The following GMCL1 variants were observed in gnomAD, a reference collection of about 807,000 sequenced individuals.
The protein encoded by GMCL1 is germ cell-less 1, spermatogenesis associated, also known as germ cell-less protein-like 1.
Under a neutral mutation model 75.5 loss-of-function variants are expected in GMCL1, and 54 were observed. The ratio of observed to expected loss-of-function variants is 0.71; its 90% CI spans 0.57 to 0.90. The LOEUF is 0.90. Among genes scored for constraint, GMCL1 ranks in the 40% least tolerant of loss-of-function variants. The pLI is 0.00. For missense variants in GMCL1, 537 were observed against 622.7 expected, an observed-to-expected ratio of 0.86 and a Z score of 1.47; for synonymous variants, 210 against 209.6, an observed-to-expected ratio of 1.00 and a Z score of -0.02.
Position 69,841,717 on chromosome 2 carries a change from A to AG in GMCL1, c.579+681dup, listed in dbSNP as rs1674993139. On this transcript the variant is annotated intron_variant, in intron 4 of 13. Transcript: ENST00000282570. ...GTAGCATTTAGTGAATGGATAAAGA[A>AG]GGGAGTGGTCAGTTCATCCTGGTGG... Among the ~76,000 whole-genome samples, 4 of 152,238 alleles carry AG rather than the reference A, an allele frequency of 2.6e-5. 1 individual carries two copies. The highest frequency in any genetic ancestry group is 9.6e-5 in the African/African-American group (4 of 41,464).
chr2:69,878,680 G>A (rs1015436), intron 13 of GMCL1, among the ~76,000 whole-genome samples: 10,332 of 152,118 alleles, frequency 0.068, 928 homozygotes, highest in Admixed American at 0.22. Context: ...AACCCCCTGT[G>A]TATTATCTCT....
chr2:69,862,548 T>G (rs1267549477), intron 10 of GMCL1, among the ~76,000 whole-genome samples: 1 of 151,878 alleles, frequency 6.6e-6, no homozygotes, highest in Non-Finnish European at 1.5e-5. Flanking sequence ...TCACCTGAGG[T>G]CAGGAGTTCG....
At position 69,844,211 on chromosome 2, in the gene GMCL1, A is replaced by G. The variant is rs548449166; in HGVS notation, c.758+15A>G. 1.6e-5 allele frequency: 23 copies of G among 1,416,978 alleles called. No homozygotes were observed. The East Asian group carries it at 5.2e-4, about 32-fold the overall frequency. 87.8% of individuals were successfully genotyped at this position (1,416,978 alleles called of 1,614,324 possible). On this transcript the variant is annotated intron_variant, in intron 6 of 13. Transcript: ENST00000282570. Reference sequence around the variant, plus strand: ...AAAGAACTCAGGTATTTGAATTTCAAGTAACTTCATAATTAGTCATCCTAA... The same window carrying G: ...AAAGAACTCAGGTATTTGAATTTCAGGTAACTTCATAATTAGTCATCCTAA...
intron 13 of GMCL1, among the ~76,000 whole-genome samples, chr2:69,875,277 C>T (rs923480805): frequency 6.6e-6 from 1 of 152,162 alleles, no homozygotes; most frequent in African/African-American, 2.4e-5. Flanking sequence ...CCTTATTGTA[C>T]ATGAAATACT....
chr2:69,873,590 CTAAA>C (rs1394666555), intron 13 of GMCL1: 1 of 153,598 alleles, frequency 6.5e-6, no homozygotes, highest in Non-Finnish European at 1.5e-5. Context: ...TTGGCAGCCT[CTAAA>C]AGCAGCATGC....
intron 6 of GMCL1, chr2:69,844,436 A>C: frequency 3.6e-6 from 1 of 279,538 alleles, no homozygotes; most frequent in Admixed American, 5.2e-5. Context: ...TACTGTTATA[A>C]GACTATAGAA....
At chr2:69,854,254 A>G (rs1217624817) in intron 8 of GMCL1, among the ~76,000 whole-genome samples, 3 of 151,914 alleles carry the variant, frequency 2.0e-5, no homozygotes, top group East Asian at 1.9e-4. Flanking sequence ...GGCTCAAGCA[A>G]TCTTTCCACC....
At chr2:69,869,501 A>T in intron 11 of GMCL1, 1 of 450,592 alleles carries the variant, frequency 2.2e-6, no homozygotes, top group Non-Finnish European at 3.9e-6. Flanking sequence ...CATGAAGAGG[A>T]AAGTAGCTTA....
chr2:69,836,581 A>G (rs1674824424), intron 1 of GMCL1, among the ~76,000 whole-genome samples: 2 of 152,206 alleles, frequency 1.3e-5, no homozygotes, highest in Admixed American at 1.3e-4. Flanking sequence ...CACAGGTGTT[A>G]AATTCGCCAA....
chr2:69,868,084 C>G (rs1276128864), intron 11 of GMCL1, among the ~76,000 whole-genome samples: 1 of 152,196 alleles, frequency 6.6e-6, no homozygotes, highest in Non-Finnish European at 1.5e-5. Flanking sequence ...GTACTGGACT[C>G]TATCCATGCT....
intron 11 of GMCL1, among the ~76,000 whole-genome samples, chr2:69,866,146 G>A (rs1675811312): frequency 6.6e-6 from 1 of 151,964 alleles, no homozygotes; most frequent in South Asian, 2.1e-4. Context: ...CTACTCGGAA[G>A]GCTGAGGCAG....
intron 9 of GMCL1, among the ~76,000 whole-genome samples, chr2:69,858,746 G>T (rs561271459): frequency 6.6e-6 from 1 of 152,082 alleles, no homozygotes; most frequent in South Asian, 2.1e-4. Flanking sequence ...TTATTCTTTT[G>T]GATTAAACTA....
In GMCL1 at chr2:69,839,483, T is replaced by A. The variant is rs1391175103; in HGVS notation, c.411T>A (p.Ser137Arg). ...CTGGCTACTTTTCTAGTATGTTCAG[T>A]GGTTCTTGGAAAGAATCCAGCATGA... The part of the protein sequence containing the change: ...CQSGYFSSMF[S>R]GSWKESSMNI... Residue 137 changes from serine to arginine, a missense_variant, in exon 3 of 14, where the codon AGT (serine) becomes AGA (arginine). Physicochemically the swap from Ser to Arg is moderately radical, Grantham distance 110 (BLOSUM62 -1). Coordinates refer to ENST00000282570, the MANE Select transcript of GMCL1 (RefSeq NM_178439.5). 6.2e-7 allele frequency: 1 copy of A among 1,605,730 alleles called. No individual in the cohort carries two copies. The highest frequency in any genetic ancestry group is 1.3e-5 in the African/African-American group (1 of 74,784).
chr2:69,867,905 C>G lies in GMCL1; in HGVS notation c.1219-1814C>G, dbSNP rs577542923. Among the ~76,000 whole-genome samples the G allele has an allele frequency of 2.6e-5, 4 of 152,298 alleles. No homozygotes were observed. The South Asian group carries it at 8.3e-4, about 32-fold the overall frequency. ...CTCCTTAAAAGGGCAATGCTCCCAC[C>G]CTTATTCTTATCTGATGGCCTTGCT... On this transcript the variant is annotated intron_variant, in intron 11 of 13. Transcript: ENST00000282570.
chr2:69,861,170 T>C, intron 9 of GMCL1, 108 bp from the exon 10 acceptor site: 1 of 816,506 alleles, frequency 1.2e-6, no homozygotes, highest in South Asian at 1.9e-5. Flanking sequence ...AAATTGCTAT[T>C]TTAAACTTGT....
chr2:69,866,825 CT>C (rs1675830819), intron 11 of GMCL1, among the ~76,000 whole-genome samples: 1 of 152,128 alleles, frequency 6.6e-6, no homozygotes, highest in Non-Finnish European at 1.5e-5. Flanking sequence ...TTCTTTAGTT[CT>C]CATTCTTCCT....
At chr2:69,874,842 A>G (rs750457651) in intron 13 of GMCL1, among the ~76,000 whole-genome samples, 1 of 151,546 alleles carries the variant, frequency 6.6e-6, no homozygotes, top group Non-Finnish European at 1.5e-5. Context: ...CCTGGGCCCA[A>G]CCTTTCCACG....
At chr2:69,859,174 G>A (rs1381134701) in intron 9 of GMCL1, among the ~76,000 whole-genome samples, 2 of 151,068 alleles carry the variant, frequency 1.3e-5, no homozygotes, top group Non-Finnish European at 3.0e-5. Flanking sequence ...AAAATTTATG[G>A]GATACATCTA....
At position 69,864,851 on chromosome 2, in the gene GMCL1, A is replaced by G. The variant is rs200583478; in HGVS notation, c.1143-49A>G. ...CTTAACTCATAGTTCTTTTTTAATT[A>G]TTAGTTGCATATTTTCTATGAACGT... On this transcript the variant is annotated intron_variant, in intron 10 of 13. Coordinates refer to ENST00000282570, the MANE Select transcript of GMCL1 (RefSeq NM_178439.5). 3.7e-4 allele frequency: 436 copies of G among 1,192,744 alleles called. 2 individuals are homozygous for G. Among genetic ancestry groups the G allele is most frequent in the Admixed American group, 6.1e-4 (33 of 53,984 alleles). The allele number at this position is 1,192,744 out of a possible 1,614,324, so 73.9% of individuals were successfully genotyped here.
Sources: gnomAD v4.1 joint callset for allele counts (sites outside exome capture counted in the v4.1 genomes callset) on GRCh38, gnomAD v4.1.1 for gene constraint, MANE v1.5 for transcripts, NCBI Gene and HGNC (gene_info 2026-07-23, HGNC 2026-07-21) for gene names.